Variants in UBR7 observed in about 807,000 individuals in gnomAD.
UBR7 encodes the protein putative E3 ubiquitin-protein ligase UBR7.
A neutral mutation model predicts 57.0 loss-of-function variants in UBR7; 22 were observed. That is an observed-to-expected ratio of 0.39 (90% CI 0.28 to 0.55). The LOEUF (loss-of-function observed/expected upper bound fraction) is 0.55. Ranked by LOEUF, UBR7 falls within the 20% of genes least tolerant of loss-of-function variation. The pLI is 0.69. For missense variants in UBR7, 395 were observed against 513.2 expected (o/e 0.77, Z 2.23); for synonymous variants, 167 against 179.8 (o/e 0.93, Z 0.57).
Position 93,217,840 on chromosome 14 carries a change from A to G in UBR7, c.602-687A>G, listed in dbSNP as rs1339823080. 3.3e-5 allele frequency among the ~76,000 whole-genome samples: 5 copies of G among 152,342 alleles called. No homozygotes were observed. In the East Asian group the frequency reaches 5.8e-4, roughly 18 times the overall value. ...GTCAGATGTGGTGGCTCATGCCTGT[A>G]ATCCCAGCACTTTGGGAGGCCGAGG... On this transcript the variant is annotated intron_variant, in intron 6 of 10. Transcript: ENST00000013070.
intron 10 of UBR7, among the ~76,000 whole-genome samples, chr14:93,225,293 T>G (rs1894824888): frequency 6.6e-6 from 1 of 151,816 alleles, no homozygotes; most frequent in Non-Finnish European, 1.5e-5. Context: ...GCCTTTTATT[T>G]AATGTTTGTA....
chr14:93,227,030 A>G lies in UBR7; in HGVS notation c.1273A>G (p.Ser425Gly). ...RRVDGMQYYC[S>G] ...AGTGGATGGGATGCAGTATTACTGC[A>G]GCTAGAGTGGAGTATGAAGCTTTCT... Residue 425 changes from serine (S) to glycine (G), a missense_variant, in exon 11 of 11, where the codon AGC becomes GGC. Ser to Gly is a moderately conservative substitution (Grantham distance 56). Coordinates refer to ENST00000013070, the MANE Select transcript of UBR7 (RefSeq NM_175748.4). 6.2e-7 allele frequency: 1 copy of G among 1,608,522 alleles called. No individual in the cohort carries two copies. Among genetic ancestry groups the G allele is most frequent in the Non-Finnish European group, 8.5e-7 (1 of 1,175,650 alleles).
chr14:93,209,848 T>C lies in UBR7; in HGVS notation c.175T>C (p.Tyr59His). ...SQGSVKRQAL[Y>H]ACSTCTPEGE... Reference sequence around the variant, plus strand: ...GGGCTCAGTAAAGAGACAAGCACTATATGCCTGTAGTACCTGCACCCCAGA... The same window carrying C: ...GGGCTCAGTAAAGAGACAAGCACTACATGCCTGTAGTACCTGCACCCCAGA... Residue 59 changes from tyrosine (Y) to histidine (H), a missense_variant, in exon 2 of 11, where the codon TAT (tyrosine) becomes CAT (histidine). Tyr to His is a moderately conservative substitution (Grantham distance 83, BLOSUM62 2). Coordinates refer to ENST00000013070, the MANE Select transcript of UBR7 (RefSeq NM_175748.4). The C allele has an allele frequency of 1.2e-6, 2 of 1,613,998 alleles. No homozygotes were observed. The highest frequency in any genetic ancestry group is 1.7e-6 in the Non-Finnish European group (2 of 1,179,936).
In UBR7 at chr14:93,226,984, T is replaced by G; in HGVS notation, c.1227T>G (p.Phe409Leu). ...ACATTCAGCAGTTCTTTGAAGAGTTTCAGTCAAAAAAGAGAAGAAGAGTGG... is the reference window on the plus strand; with the variant it reads ...ACATTCAGCAGTTCTTTGAAGAGTTGCAGTCAAAAAAGAGAAGAAGAGTGG... The part of the protein sequence containing the change: ...REDIQQFFEE[F>L]QSKKRRRVDG... Residue 409 changes from phenylalanine (F) to leucine (L), a missense_variant, in exon 11 of 11, where the codon TTT becomes TTG. Physicochemically the swap from Phe to Leu is conservative, Grantham distance 22. Transcript: ENST00000013070. The G allele has an allele frequency of 6.2e-7, 1 of 1,613,118 alleles. No homozygotes were observed. The highest frequency in any genetic ancestry group is 8.5e-7 in the Non-Finnish European group (1 of 1,179,468).
chr14:93,228,480 T>C lies in UBR7; in HGVS notation c.*1445T>C, dbSNP rs534415677. The C allele has an allele frequency of 2.2e-4, 98 of 454,072 alleles. No homozygotes were observed. The highest frequency in any genetic ancestry group is 1.8e-3 in the African/African-American group (90 of 50,114). 28.1% of individuals were successfully genotyped at this position (454,072 alleles called of 1,614,324 possible). A position where few individuals can be genotyped will look rare whatever the true frequency, so the allele number is the denominator to read the frequency against. The stretch of plus-strand genomic sequence containing the variant: ...TGTATTCATTCGAGTGCCCAATCCC[T>C]GGATGAGATGAACTAGGCCTTATAA... On this transcript the variant is annotated 3_prime_UTR_variant, in exon 11 of 11. Transcript: ENST00000013070.
rs1390358067 is a variant in UBR7 at position 93,220,427 on chromosome 14, G to A, written c.1123+16G>A. 6 of 1,613,890 alleles carry A rather than the reference G, an allele frequency of 3.7e-6. No homozygotes were observed. Among genetic ancestry groups the A allele is most frequent in the Non-Finnish European group, 5.1e-6 (6 of 1,179,932 alleles). ...CTCATTTGTGGTAAATACTGTGTGT[G>A]TGTGAAAATTCATCATTTCCTTCAC... On this transcript the variant is annotated intron_variant, in intron 9 of 10. Coordinates refer to ENST00000013070, the MANE Select transcript of UBR7 (RefSeq NM_175748.4).
In UBR7 at chr14:93,227,345, G is replaced by A. The variant is rs527355457; in HGVS notation, c.*310G>A. On this transcript the variant is annotated 3_prime_UTR_variant, in exon 11 of 11. Coordinates refer to ENST00000013070, the MANE Select transcript of UBR7 (RefSeq NM_175748.4). ...TTTTGAGAAAGCAAATTGGTGTCTT[G>A]TTTAATGATCTGTTATTTCACTCCC... 8.1e-6 allele frequency: 5 copies of A among 615,104 alleles called. No homozygotes were observed. The highest frequency in any genetic ancestry group is 4.5e-5 in the South Asian group (3 of 65,940). 38.1% of individuals were successfully genotyped at this position (615,104 alleles called of 1,614,324 possible). A position where few individuals can be genotyped will look rare whatever the true frequency, so the allele number is the denominator to read the frequency against.
intron 1 of UBR7, 144 bp downstream of exon 1, chr14:93,207,585 A>G (rs1320475315): frequency 1.7e-6 from 2 of 1,189,726 alleles, no homozygotes; most frequent in East Asian, 5.4e-5. Flanking sequence ...TCCTCACCCC[A>G]AGCTCACCCT....
At position 93,227,461 on chromosome 14, in the gene UBR7, T is replaced by C. The variant is rs761186524; in HGVS notation, c.*426T>C. 2.8e-5 allele frequency: 19 copies of C among 687,416 alleles called. No individual in the cohort carries two copies. Among genetic ancestry groups the C allele is most frequent in the Non-Finnish European group, 4.8e-5 (18 of 377,204 alleles). 42.6% of individuals were successfully genotyped at this position (687,416 alleles called of 1,614,324 possible). ...CTCTCTTCCCGTCACCTAGAACCTCTACAGGTCCCCTCGCCCCTATGATCG... is the reference window on the plus strand; with the variant it reads ...CTCTCTTCCCGTCACCTAGAACCTCCACAGGTCCCCTCGCCCCTATGATCG... On this transcript the variant is annotated 3_prime_UTR_variant, in exon 11 of 11. Transcript: ENST00000013070.
rs1042439864 is a variant in UBR7 at position 93,227,513 on chromosome 14, A to G, written c.*478A>G. ...GGTGCCTTGGGTCAAAGCTTCCTCA[A>G]GCCTGGTCTGCTCCTTCTTTCACGT... is the stretch of plus-strand genomic sequence containing the variant. On this transcript the variant is annotated 3_prime_UTR_variant, in exon 11 of 11. Coordinates refer to ENST00000013070, the MANE Select transcript of UBR7 (RefSeq NM_175748.4). 7.2e-6 allele frequency: 5 copies of G among 697,472 alleles called. No individual in the cohort carries two copies. Among genetic ancestry groups the G allele is most frequent in the Admixed American group, 6.0e-5 (3 of 49,918 alleles). The allele number at this position is 697,472 out of a possible 1,614,324, so 43.2% of individuals were successfully genotyped here. A position where few individuals can be genotyped will look rare whatever the true frequency, so the allele number is the denominator to read the frequency against.
At chr14:93,221,673 A>G (rs1319732611) in intron 9 of UBR7, among the ~76,000 whole-genome samples, 2 of 152,288 alleles carry the variant, frequency 1.3e-5, no homozygotes, top group East Asian at 3.9e-4. Flanking sequence ...TACATAATAT[A>G]AACTGTTAAG....
intron 10 of UBR7, among the ~76,000 whole-genome samples, chr14:93,222,588 C>T (rs549873149): frequency 3.3e-5 from 5 of 151,854 alleles, no homozygotes; most frequent in Non-Finnish European, 7.4e-5. Flanking sequence ...ACTAAAAATA[C>T]GAAAATTAGC....
Position 93,207,408 on chromosome 14 carries a change from C to A in UBR7, c.117C>A (p.Gly39=). 1 of 1,552,902 alleles carries A rather than the reference C, an allele frequency of 6.4e-7. No homozygotes were observed. Among genetic ancestry groups the A allele is most frequent in the Non-Finnish European group, 8.7e-7 (1 of 1,150,806 alleles). The change falls in exon 1 of 11, where the codon GGC becomes GGA. Residue 39 remains glycine, a synonymous_variant. Coordinates refer to ENST00000013070, the MANE Select transcript of UBR7 (RefSeq NM_175748.4). ...ELENEACAVL[G]GSDSEKCSYS... The stretch of plus-strand genomic sequence containing the variant: ...AGAATGAGGCGTGCGCTGTCCTGGG[C>A]GGCAGCGACTCCGAGAAGTGCTCCT...
chr14:93,207,889 T>A (rs928772230), intron 1 of UBR7, among the ~76,000 whole-genome samples: 8 of 152,200 alleles, frequency 5.3e-5, no homozygotes, highest in Non-Finnish European at 7.3e-5. Flanking sequence ...CCATAGGGAT[T>A]TGCGGTGAGC....
chr14:93,220,821 T>TC (rs927994366), intron 9 of UBR7, among the ~76,000 whole-genome samples: 9 of 150,170 alleles, frequency 6.0e-5, no homozygotes, highest in African/African-American at 1.7e-4. Context: ...GGCTTTTACA[T>TC]CCCCCCACCA....
intron 9 of UBR7, among the ~76,000 whole-genome samples, chr14:93,220,944 ATTAT>A (rs890165042): frequency 1.3e-5 from 2 of 151,812 alleles, no homozygotes; most frequent in Admixed American, 6.6e-5. Context: ...TCTGTCTTTT[ATTAT>A]TTATTTATTT....
chr14:93,218,713 C>T lies in UBR7; in HGVS notation c.788C>T (p.Ser263Phe), dbSNP rs1222651288. The change falls in exon 7 of 11, where the codon TCT (serine) becomes TTT (phenylalanine). Residue 263 changes from serine to phenylalanine, a missense_variant. Physicochemically the swap from Ser to Phe is radical, Grantham distance 155. Coordinates refer to ENST00000013070, the MANE Select transcript of UBR7 (RefSeq NM_175748.4). ...VEQNSEPCAGSSSESDLQTVF... is the reference protein window; with the variant it reads ...VEQNSEPCAGFSSESDLQTVF... ...CAGAACAGTGAACCATGTGCCGGCT[C>T]TAGTTCTGAATCTGATCTCCAGGTA... 6.2e-7 allele frequency: 1 copy of T among 1,613,820 alleles called. No individual in the cohort carries two copies. The highest frequency in any genetic ancestry group is 8.5e-7 in the Non-Finnish European group (1 of 1,179,760).
At position 93,220,350 on chromosome 14, in the gene UBR7, C is replaced by G; in HGVS notation, c.1062C>G (p.Ser354Arg). 6.2e-7 allele frequency: 1 copy of G among 1,613,204 alleles called. No homozygotes were observed. The highest frequency in any genetic ancestry group is 8.5e-7 in the Non-Finnish European group (1 of 1,179,918). Residue 354 changes from serine (S) to arginine (R), a missense_variant, in exon 9 of 11, where the codon AGC (serine) becomes AGG (arginine). Transcript: ENST00000013070. ...AGATTGCCCAGGCCACTGACAGGAG[C>G]GATCCCCTAATGGATACCCTTAGCA... The part of the protein sequence containing the change: ...KGKIAQATDR[S>R]DPLMDTLSSM...
Position 93,227,064 on chromosome 14 carries a change from C to G in UBR7, c.*29C>G. 1 of 1,545,086 alleles carries G rather than the reference C, an allele frequency of 6.5e-7. No homozygotes were observed. Among genetic ancestry groups the G allele is most frequent in the Non-Finnish European group, 8.9e-7 (1 of 1,119,920 alleles). ...GGAGTATGAAGCTTTCTCATTCAAGCCAATGAAAATGCGCTTCCCATTCTT... is the reference window on the plus strand; with the variant it reads ...GGAGTATGAAGCTTTCTCATTCAAGGCAATGAAAATGCGCTTCCCATTCTT... On this transcript the variant is annotated 3_prime_UTR_variant, in exon 11 of 11. Coordinates refer to ENST00000013070, the MANE Select transcript of UBR7 (RefSeq NM_175748.4).
Sources: gnomAD v4.1 joint callset for allele counts (sites outside exome capture counted in the v4.1 genomes callset) on GRCh38, gnomAD v4.1.1 for gene constraint, MANE v1.5 for transcripts, NCBI Gene and HGNC (gene_info 2026-07-23, HGNC 2026-07-21) for gene names.